The following RMND1 variants were observed in gnomAD, a reference collection of about 807,000 sequenced individuals.
RMND1 encodes the protein required for meiotic nuclear division 1 homolog, also known as required for meiotic nuclear division protein 1 homolog.
In RMND1, 41 loss-of-function variants were observed where a neutral mutation model predicts 54.0. The ratio of observed to expected loss-of-function variants is 0.76; its 90% CI spans 0.59 to 0.98. The LOEUF is 0.98. RMND1 is among the 50% of genes least tolerant of loss of function. The probability of loss-of-function intolerance (pLI) is 0.00; values close to 1 mark genes in which losing one functional copy is unlikely to be tolerated. For synonymous variants in RMND1, 183 were observed against 181.7 expected (o/e 1.01, Z -0.06); for missense variants, 457 against 532.0 (o/e 0.86, Z 1.39).
Position 151,423,604 on chromosome 6 carries a change from T to G in RMND1, c.858A>C (p.Glu286Asp), listed in dbSNP as rs35188477. Residue 286 changes from glutamate (E) to aspartate (D), a missense_variant, in exon 7 of 12, where the codon GAA becomes GAC. Coordinates refer to ENST00000444024, the MANE Select transcript of RMND1 (RefSeq NM_017909.4). ...AATCCAGCTCTGAATTTAACTTGAT[T>G]TCCCCCCTGTGAAGTTTTGACTGTC... The part of the protein sequence containing the change: ...IEGQSKLHRG[E>D]IKLNSELDLD... The G allele has an allele frequency of 1.2e-6, 2 of 1,613,848 alleles. No individual in the cohort carries two copies. Among genetic ancestry groups the G allele is most frequent in the East Asian group, 2.2e-5 (1 of 44,838 alleles).
intron 9 of RMND1, 50 bp downstream of exon 9, chr6:151,421,195 T>C: frequency 7.6e-7 from 1 of 1,323,224 alleles, no homozygotes; most frequent in South Asian, 1.2e-5. Flanking sequence ...GAATGTTTTC[T>C]TGAGATTGTT....
chr6:151,406,607 C>T (rs1294732662), intron 10 of RMND1, among the ~76,000 whole-genome samples: 1 of 152,150 alleles, frequency 6.6e-6, no homozygotes, highest in Non-Finnish European at 1.5e-5. Flanking sequence ...GCCTCGGCCT[C>T]CCAAAGTGCT....
intron 8 of RMND1, 53 bp from the exon 9 acceptor site, chr6:151,421,374 T>C (rs1780146855): frequency 1.5e-6 from 2 of 1,375,920 alleles, no homozygotes; most frequent in Non-Finnish European, 2.0e-6. Context: ...CTCTTTCTAA[T>C]AAGCATTAGG....
chr6:151,417,911 C>G (rs947026725), intron 9 of RMND1, among the ~76,000 whole-genome samples: 1 of 151,804 alleles, frequency 6.6e-6, no homozygotes, highest in Non-Finnish European at 1.5e-5. Context: ...CAGATTTAAG[C>G]AATTCTCCTG....
rs1779577230 is a variant in RMND1, at chr6:151,405,383, C to G, written c.1318-116G>C. On this transcript the variant is annotated intron_variant, in intron 11 of 11. Coordinates refer to ENST00000444024, the MANE Select transcript of RMND1 (RefSeq NM_017909.4). The stretch of plus-strand genomic sequence containing the variant: ...TCCTGAAGTAAGGTAAATGTTTGCC[C>G]TTTCTCACGTGGCAACCTATGAATT... The G allele has an allele frequency of 6.2e-6, 6 of 972,534 alleles. 1 individual carries two copies. In the South Asian group the frequency reaches 7.4e-5, roughly 12 times the overall value. The allele number at this position is 972,534 out of a possible 1,614,324, so 60.2% of individuals were successfully genotyped here. A position where few individuals can be genotyped will look rare whatever the true frequency, so the allele number is the denominator to read the frequency against.
intron 10 of RMND1, among the ~76,000 whole-genome samples, chr6:151,415,373 TAA>T (rs1582945542): frequency 6.6e-6 from 1 of 152,012 alleles, no homozygotes; most frequent in Non-Finnish European, 1.5e-5. Flanking sequence ...TAGATTGTAA[TAA>T]GTTATATACG....
chr6:151,432,986 C>T (rs1447586335), intron 4 of RMND1, among the ~76,000 whole-genome samples, 169 bp downstream of exon 4: 1 of 152,054 alleles, frequency 6.6e-6, no homozygotes, highest in Non-Finnish European at 1.5e-5. Flanking sequence ...CAGAGAATTC[C>T]TAAAAGTGAC....
intron 2 of RMND1, among the ~76,000 whole-genome samples, chr6:151,438,805 T>G (rs974151336): frequency 2.0e-5 from 3 of 149,260 alleles, no homozygotes; most frequent in Non-Finnish European, 3.0e-5. Context: ...CTTTTTTTTT[T>G]TTTTCCAAAA....
At chr6:151,407,272 G>A (rs920502355) in intron 10 of RMND1, among the ~76,000 whole-genome samples, 1 of 152,086 alleles carries the variant, frequency 6.6e-6, no homozygotes, top group Admixed American at 6.6e-5. Flanking sequence ...GTATAGATGT[G>A]TAGAGCATGC....
chr6:151,436,442 G>A lies in RMND1; in HGVS notation c.613+4C>T. 6.2e-7 allele frequency: 1 copy of A among 1,613,782 alleles called. No homozygotes were observed. The highest frequency in any genetic ancestry group is 8.5e-7 in the Non-Finnish European group (1 of 1,179,718). On this transcript the variant is annotated splice_donor_region_variant and intron_variant, in intron 3 of 11. Coordinates refer to ENST00000444024, the MANE Select transcript of RMND1 (RefSeq NM_017909.4). Reference sequence around the variant, plus strand: ...TACTTGGCCCCAGGTTCAAGAAGAAGTACCTCTAGGCAAGCTTGTTACTTC... The same window carrying A: ...TACTTGGCCCCAGGTTCAAGAAGAAATACCTCTAGGCAAGCTTGTTACTTC...
chr6:151,420,340 A>C (rs1780120185), intron 9 of RMND1, among the ~76,000 whole-genome samples: 1 of 152,174 alleles, frequency 6.6e-6, no homozygotes, highest in Non-Finnish European at 1.5e-5. Flanking sequence ...ACAGACAATG[A>C]AACACTGTAT....
intron 2 of RMND1, among the ~76,000 whole-genome samples, chr6:151,437,582 C>G (rs541423384): frequency 6.6e-6 from 1 of 152,166 alleles, no homozygotes; most frequent in Non-Finnish European, 1.5e-5. Context: ...CACAACTGTT[C>G]AGTAGTTGTT....
rs766598526 is a variant in RMND1, at chr6:151,421,247, T to C, written c.1077A>G (p.Leu359=). 6.3e-6 allele frequency: 10 copies of C among 1,599,266 alleles called. 1 individual carries two copies. The Admixed American group carries it at 1.7e-4, about 27-fold the overall frequency. The change falls in exon 9 of 12, where the codon CTA becomes CTG. Residue 359 remains leucine, a splice_region_variant and synonymous_variant. Transcript: ENST00000444024. ...TTATTTAGAGAGAAAACTTTTACCT[T>C]AGAGCAAAGAGTTCACCGATTTTCT... ...VMQKIGELFA[L]RHRINLSSDF...
At chr6:151,414,881 T>C (rs1332297474) in intron 10 of RMND1, among the ~76,000 whole-genome samples, 2 of 152,194 alleles carry the variant, frequency 1.3e-5, no homozygotes, top group African/African-American at 4.8e-5. Flanking sequence ...GGAAGTGGCA[T>C]GGCATTTTTC....
rs758319557 is a variant in RMND1, at chr6:151,433,163, G to T, written c.681C>A (p.Phe227Leu). 1 of 1,608,788 alleles carries T rather than the reference G, an allele frequency of 6.2e-7. No homozygotes were observed. Among genetic ancestry groups the T allele is most frequent in the Admixed American group, 1.7e-5 (1 of 59,550 alleles). ...TTTCTTTCCTGTCTTACCTGAAGAA[G>T]AATATTGTTCCAGGATCACCTTCTT... ...SAKEGDPGTI[F>L]FFREGAAVFW... is the part of the protein sequence containing the mutation. The change falls in exon 4 of 12, where the codon TTC (phenylalanine) becomes TTA (leucine). Residue 227 changes from phenylalanine (F) to leucine (L), a missense_variant. Physicochemically the swap from Phe to Leu is conservative, Grantham distance 22 (BLOSUM62 0). Coordinates refer to ENST00000444024, the MANE Select transcript of RMND1 (RefSeq NM_017909.4).
intron 3 of RMND1, 98 bp from the exon 4 acceptor site, chr6:151,433,328 C>T (rs975891242): frequency 1.4e-6 from 1 of 690,912 alleles, no homozygotes; most frequent in Non-Finnish European, 2.5e-6. Flanking sequence ...AAGATCATTT[C>T]TTTATATACC....
intron 7 of RMND1, among the ~76,000 whole-genome samples, chr6:151,423,106 A>T (rs775800909): frequency 3.9e-5 from 6 of 152,188 alleles, no homozygotes; most frequent in Non-Finnish European, 7.3e-5. Context: ...GATCTTTCAG[A>T]ACAAACTTAT....
At chr6:151,450,963 C>T (rs1005430412) in intron 1 of RMND1, among the ~76,000 whole-genome samples, 8 of 152,138 alleles carry the variant, frequency 5.3e-5, no homozygotes, top group Admixed American at 2.6e-4. Context: ...GGATTAAGGG[C>T]GGTGCAAGAT....
intron 2 of RMND1, among the ~76,000 whole-genome samples, chr6:151,439,510 G>C (rs1026186488): frequency 6.6e-6 from 1 of 152,152 alleles, no homozygotes; most frequent in Non-Finnish European, 1.5e-5. Context: ...AACCAACACA[G>C]ACTTCTTACT....
Sources: gnomAD v4.1 joint callset for allele counts (sites outside exome capture counted in the v4.1 genomes callset) on GRCh38, gnomAD v4.1.1 for gene constraint, MANE v1.5 for transcripts, NCBI Gene and HGNC (gene_info 2026-07-23, HGNC 2026-07-21) for gene names.